The following AIDA variants were observed in gnomAD, a reference collection of about 807,000 sequenced individuals.
The protein encoded by AIDA is axin interactor, dorsalization-associated protein.
In AIDA, 18 loss-of-function variants were observed where a neutral mutation model predicts 42.7. The ratio of observed to expected loss-of-function variants is 0.42; its 90% CI spans 0.29 to 0.63. The LOEUF is 0.63. AIDA is among the 20% of genes least tolerant of loss of function. AIDA has a pLI of 0.19. For synonymous variants in AIDA, 104 were observed against 122.9 expected (o/e 0.85, Z 1.02); for missense variants, 250 against 354.1 (o/e 0.71, Z 2.36).
chr1:222,692,728 G>A (rs529186344), intron 4 of AIDA, among the ~76,000 whole-genome samples: 2 of 152,258 alleles, frequency 1.3e-5, no homozygotes, highest in Admixed American at 6.5e-5. Flanking sequence ...AGTTTAATAT[G>A]GCTAGGGGAA....
Position 222,712,266 on chromosome 1 carries a change from T to G in AIDA, c.52A>C (p.Arg18=). ...LLQRWGASFR[R]GADFDSWGQL... Reference sequence around the variant, plus strand: ...CCCCAAGAGTCGAAGTCGGCGCCTCTCCTAAAACTGGCGCCCCAGCGCTGC... The same window carrying G: ...CCCCAAGAGTCGAAGTCGGCGCCTCGCCTAAAACTGGCGCCCCAGCGCTGC... Residue 18 remains arginine, a synonymous_variant, in exon 1 of 10, where the codon AGA becomes CGA. Coordinates refer to ENST00000340020, the MANE Select transcript of AIDA (RefSeq NM_022831.4). 3 of 1,590,862 alleles carry G rather than the reference T, an allele frequency of 1.9e-6. No homozygotes were observed. The Admixed American group carries it at 5.1e-5, about 27-fold the overall frequency.
intron 7 of AIDA, 128 bp downstream of exon 7, chr1:222,675,968 A>C (rs1664536049): frequency 9.5e-7 from 1 of 1,051,256 alleles, no homozygotes; most frequent in African/African-American, 1.6e-5. Flanking sequence ...GCCTCATGAT[A>C]GAATGAACTA....
intron 6 of AIDA, among the ~76,000 whole-genome samples, chr1:222,680,472 C>G (rs559177805): frequency 6.6e-6 from 1 of 152,280 alleles, no homozygotes; most frequent in Non-Finnish European, 1.5e-5. Flanking sequence ...GGTTCTAAGC[C>G]TAAGCATAGA....
At chr1:222,670,028 T>C in intron 9 of AIDA, 39 bp from the exon 10 acceptor site, 1 of 1,613,126 alleles carries the variant, frequency 6.2e-7, no homozygotes, top group Non-Finnish European at 8.5e-7. Context: ...TAAAATACAT[T>C]GATAACTGAA....
chr1:222,708,392 G>A (rs1026160697), intron 1 of AIDA, among the ~76,000 whole-genome samples: 5 of 150,672 alleles, frequency 3.3e-5, no homozygotes, highest in East Asian at 4.0e-4. Flanking sequence ...TTTTTAAGAC[G>A]AGTCTCACTC....
intron 2 of AIDA, among the ~76,000 whole-genome samples, chr1:222,695,424 G>A (rs775508151): frequency 4.6e-5 from 7 of 152,150 alleles, no homozygotes; most frequent in South Asian, 2.1e-4. Flanking sequence ...CCTGGGAGGC[G>A]GAGGTTGCAG....
intron 4 of AIDA, among the ~76,000 whole-genome samples, chr1:222,689,520 T>TATACACAC (rs765351898): frequency 1.3e-3 from 77 of 58,086 alleles, no homozygotes; most frequent in Non-Finnish European, 2.6e-3. Flanking sequence ...TATATATATA[T>TATACACAC]ACACACATAC....
chr1:222,703,256 G>A, intron 1 of AIDA, 39 bp from the exon 2 acceptor site: 1 of 1,413,306 alleles, frequency 7.1e-7, no homozygotes, highest in East Asian at 2.3e-5. Flanking sequence ...TGGAAGAAAA[G>A]CAAACTACTG....
intron 1 of AIDA, among the ~76,000 whole-genome samples, chr1:222,706,368 T>C (rs984278178): frequency 7.9e-5 from 12 of 152,306 alleles, no homozygotes; most frequent in African/African-American, 2.9e-4. Flanking sequence ...AAGACTTGCA[T>C]TTGAATGTTC....
intron 4 of AIDA, among the ~76,000 whole-genome samples, chr1:222,691,586 T>TA (rs72079065): frequency 1.1e-4 from 16 of 150,738 alleles, no homozygotes; most frequent in South Asian, 4.2e-4. Context: ...GCACTATTTT[T>TA]AAAAAAAAAA....
intron 6 of AIDA, among the ~76,000 whole-genome samples, chr1:222,682,537 T>G (rs1664672548): frequency 6.6e-6 from 1 of 152,162 alleles, no homozygotes; most frequent in South Asian, 2.1e-4. Flanking sequence ...CAGAATTCAA[T>G]CAGGTGTCTA....
intron 6 of AIDA, among the ~76,000 whole-genome samples, chr1:222,684,232 T>G (rs1037426177): frequency 3.3e-5 from 5 of 152,008 alleles, no homozygotes; most frequent in African/African-American, 1.2e-4. Context: ...CTGCCTCAGC[T>G]TCCCAAGTAG....
chr1:222,670,017 T>TTC, intron 9 of AIDA, 28 bp from the exon 10 acceptor site: 1 of 1,613,640 alleles, frequency 6.2e-7, no homozygotes, highest in Middle Eastern at 1.7e-4. Context: ...AGACCATTGT[T>TTC]TAAAATACAT....
chr1:222,699,865 G>A (rs975079729), intron 2 of AIDA, among the ~76,000 whole-genome samples: 3 of 151,432 alleles, frequency 2.0e-5, no homozygotes, highest in East Asian at 1.9e-4. Context: ...TCCGCCTCCC[G>A]GGTTCATGCC....
intron 4 of AIDA, among the ~76,000 whole-genome samples, chr1:222,689,520 T>TATACATACAC (rs765351898): frequency 3.4e-5 from 2 of 58,102 alleles, no homozygotes; most frequent in Non-Finnish European, 7.6e-5. Flanking sequence ...TATATATATA[T>TATACATACAC]ACACACATAC....
chr1:222,693,159 A>G (rs1460493485), intron 4 of AIDA, among the ~76,000 whole-genome samples: 1 of 152,092 alleles, frequency 6.6e-6, no homozygotes, highest in East Asian at 1.9e-4. Flanking sequence ...GGATAAATAG[A>G]CTCTATATAC....
intron 6 of AIDA, among the ~76,000 whole-genome samples, chr1:222,677,520 TA>T (rs1218083972): frequency 1.3e-5 from 2 of 152,238 alleles, no homozygotes; most frequent in African/African-American, 4.8e-5. Context: ...CTTTCCATTT[TA>T]TCATTAAATA....
At chr1:222,709,937 C>A (rs912378528) in intron 1 of AIDA, among the ~76,000 whole-genome samples, 1 of 152,164 alleles carries the variant, frequency 6.6e-6, no homozygotes, top group Non-Finnish European at 1.5e-5. Flanking sequence ...CACTATCTCT[C>A]CCCCTACATC....
At chr1:222,677,386 C>T (rs1019364450) in intron 6 of AIDA, among the ~76,000 whole-genome samples, 1 of 152,110 alleles carries the variant, frequency 6.6e-6, no homozygotes, top group Non-Finnish European at 1.5e-5. Context: ...GTTTCCCCCC[C>T]TCTAATTTTT....
Sources: allele counts gnomAD v4.1 joint callset (sites outside exome capture counted in the v4.1 genomes callset), GRCh38; gene constraint gnomAD v4.1.1; transcripts MANE v1.5; gene names NCBI Gene and HGNC (gene_info 2026-07-23, HGNC 2026-07-21).